Variants in SCN2A observed in about 807,000 individuals in gnomAD.
SCN2A encodes the protein sodium voltage-gated channel alpha subunit 2, also known as sodium channel protein type 2 subunit alpha.
In SCN2A, 20 loss-of-function variants were observed where a neutral mutation model predicts 188.7. That is an observed-to-expected ratio of 0.11 (90% CI 0.07 to 0.15). The LOEUF is 0.15. SCN2A is among the 10% of genes least tolerant of loss of function. The pLI is 1.00. For synonymous variants in SCN2A, 804 were observed against 833.1 expected, an observed-to-expected ratio of 0.97 and a Z score of 0.60; for missense variants, 1,278 against 2,445.0, an observed-to-expected ratio of 0.52 and a Z score of 10.07.
intron 4 of SCN2A, among the ~76,000 whole-genome samples, chr2:165,308,310 A>G (rs1559351611): frequency 6.6e-6 from 1 of 152,068 alleles, no homozygotes; most frequent in African/African-American, 2.4e-5. Flanking sequence ...ATGGCTTTTA[A>G]TGGTGCATAT....
chr2:165,346,453 A>G (rs1285862433), intron 16 of SCN2A, among the ~76,000 whole-genome samples: 1 of 152,158 alleles, frequency 6.6e-6, no homozygotes, highest in African/African-American at 2.4e-5. Flanking sequence ...TACAAATTTA[A>G]CTCAACATGG....
In SCN2A at chr2:165,296,016, A is replaced by G; in HGVS notation, c.193A>G (p.Ile65Val). The G allele has an allele frequency of 6.2e-7, 1 of 1,614,154 alleles. No homozygotes were observed. Among genetic ancestry groups the G allele is most frequent in the Non-Finnish European group, 8.5e-7 (1 of 1,180,030 alleles). The change falls in exon 2 of 27, where the codon ATT (isoleucine) becomes GTT (valine). Residue 65 changes from isoleucine to valine, a missense_variant. Around this residue, in one of 17 missense-constraint regions of SCN2A, gnomAD observed 141 missense variants for 185.4 expected, o/e 0.76. Transcript: ENST00000375437. ...DLEAGKSLPF[I>V]YGDIPPEMVS... ...GGAAGCAGGAAAATCTCTTCCATTT[A>G]TTTATGGAGACATTCCTCCAGAGAT... is the stretch of plus-strand genomic sequence containing the variant.
intron 1 of SCN2A, among the ~76,000 whole-genome samples, chr2:165,284,934 G>T (rs1289390394): frequency 6.6e-6 from 1 of 152,118 alleles, no homozygotes; most frequent in Admixed American, 6.6e-5. Flanking sequence ...TTAAAACGTT[G>T]CAGCAATGTA....
intron 1 of SCN2A, among the ~76,000 whole-genome samples, chr2:165,284,075 G>A (rs562271074): frequency 1.3e-5 from 2 of 148,400 alleles, no homozygotes; most frequent in African/African-American, 5.0e-5. Context: ...CTCTCTCTCT[G>A]TCTGTTTTTC....
intron 1 of SCN2A, among the ~76,000 whole-genome samples, chr2:165,262,405 G>A (rs1052764104): frequency 6.6e-6 from 1 of 151,926 alleles, no homozygotes; most frequent in African/African-American, 2.4e-5. Context: ...AAAGTCCATT[G>A]TATCATTCTT....
chr2:165,354,454 T>C lies in SCN2A; in HGVS notation c.3182T>C (p.Ile1061Thr), dbSNP rs781742853. 6.2e-7 allele frequency: 1 copy of C among 1,614,056 alleles called. No homozygotes were observed. Among genetic ancestry groups the C allele is most frequent in the Admixed American group, 1.7e-5 (1 of 60,008 alleles). The change falls in exon 17 of 27, where the codon ATA becomes ACA. Residue 1061 changes from isoleucine to threonine, a missense_variant. Around this residue, in one of 17 missense-constraint regions of SCN2A, gnomAD observed 228 missense variants for 297.3 expected, o/e 0.77. Transcript: ENST00000375437. ...SCISNHTTIE[I>T]GKDLNYLKDG... ...ATTTCCAACCATACCACCATAGAAA[T>C]AGGCAAAGACCTCAATTATCTCAAA...
chr2:165,370,483 T>G (rs1700968306), intron 20 of SCN2A, 184 bp downstream of exon 20: 7 of 611,058 alleles, frequency 1.1e-5, no homozygotes, highest in Non-Finnish European at 1.8e-5. Flanking sequence ...TATACATTCA[T>G]AGATAAAAAT....
intron 18 of SCN2A, 50 bp downstream of exon 18, chr2:165,365,313 A>G (rs1700665240): frequency 1.2e-6 from 2 of 1,600,996 alleles, no homozygotes; most frequent in South Asian, 1.1e-5. Context: ...TTTTCTACCC[A>G]TTTTTTCCTA....
At chr2:165,305,217 A>G (rs1489572094) in intron 3 of SCN2A, among the ~76,000 whole-genome samples, 1 of 152,222 alleles carries the variant, frequency 6.6e-6, no homozygotes, top group African/African-American at 2.4e-5. Context: ...ATTTTATAAG[A>G]CACAGAGACG....
Position 165,344,563 on chromosome 2 carries a change from T to G in SCN2A, c.2571T>G (p.Val857=). The G allele has an allele frequency of 6.2e-7, 1 of 1,614,104 alleles. No individual in the cohort carries two copies. Among genetic ancestry groups the G allele is most frequent in the Non-Finnish European group, 8.5e-7 (1 of 1,179,992 alleles). The change falls in exon 16 of 27, where the codon GTT becomes GTG. Residue 857 remains valine (V), a synonymous_variant. Transcript: ENST00000375437. ...CTTGCTTTTATTTCCAGCTCCGAGTTTTCAAGTTGGCAAAATCTTGGCCAA... is the reference window on the plus strand; with the variant it reads ...CTTGCTTTTATTTCCAGCTCCGAGTGTTCAAGTTGGCAAAATCTTGGCCAA... ...SVLRSFRLLR[V]FKLAKSWPTL...
chr2:165,302,808 C>T (rs1478807250), intron 3 of SCN2A, among the ~76,000 whole-genome samples: 1 of 152,074 alleles, frequency 6.6e-6, no homozygotes, highest in Non-Finnish European at 1.5e-5. Flanking sequence ...ATGATCCAGG[C>T]TCCATGTCAA....
chr2:165,330,465 C>G (rs938807309), intron 13 of SCN2A, among the ~76,000 whole-genome samples: 5 of 152,164 alleles, frequency 3.3e-5, no homozygotes, highest in Admixed American at 2.0e-4. Context: ...CTGTGCATTT[C>G]TGTCTTCTCT....
At chr2:165,315,275 T>C (rs1559356885) in intron 10 of SCN2A, among the ~76,000 whole-genome samples, 196 bp from the exon 11 acceptor site, 8 of 152,214 alleles carry the variant, frequency 5.3e-5, no homozygotes. Flanking sequence ...AAAAGTCGTA[T>C]GTATCATCTT....
intron 1 of SCN2A, among the ~76,000 whole-genome samples, chr2:165,251,572 T>G (rs1330144931): frequency 2.0e-5 from 3 of 151,968 alleles, no homozygotes; most frequent in Non-Finnish European, 4.4e-5. Context: ...CCCAGATCCT[T>G]CCCTGCCAGA....
chr2:165,318,461 A>C (rs765959965), intron 11 of SCN2A, among the ~76,000 whole-genome samples: 2 of 152,202 alleles, frequency 1.3e-5, no homozygotes, highest in African/African-American at 4.8e-5. Flanking sequence ...GGTATGGGGA[A>C]TATTTCTTAC....
chr2:165,309,652 A>T (rs1697328718), intron 6 of SCN2A, among the ~76,000 whole-genome samples: 1 of 152,168 alleles, frequency 6.6e-6, no homozygotes, highest in Admixed American at 6.6e-5. Context: ...TTTGAGTTTA[A>T]CAAGTGTTGC....
chr2:165,354,750 G>GT (rs1306795944), intron 17 of SCN2A, 79 bp downstream of exon 17: 4 of 1,418,994 alleles, frequency 2.8e-6, no homozygotes, highest in Non-Finnish European at 3.9e-6. Flanking sequence ...TTTAAATTGC[G>GT]TGTTTCCTTC....
intron 25 of SCN2A, among the ~76,000 whole-genome samples, 189 bp downstream of exon 25, chr2:165,381,386 G>T (rs1701594066): frequency 6.6e-6 from 1 of 151,504 alleles, no homozygotes; most frequent in African/African-American, 2.4e-5. Flanking sequence ...ATTATATAAT[G>T]CATAACATAT....
intron 14 of SCN2A, 143 bp downstream of exon 14, chr2:165,331,711 C>G: frequency 1.4e-6 from 1 of 721,102 alleles, no homozygotes; most frequent in South Asian, 1.6e-5. Context: ...TTTTAAATAA[C>G]AAAAAAATGT....
Sources: allele counts gnomAD v4.1 joint callset (sites outside exome capture counted in the v4.1 genomes callset), GRCh38; gene constraint gnomAD v4.1.1; regional missense constraint gnomAD v4.1.1; transcripts MANE v1.5; gene names NCBI Gene and HGNC (gene_info 2026-07-23, HGNC 2026-07-21).